The following RPL36 variants were observed in gnomAD, a reference collection of about 807,000 sequenced individuals.
The protein encoded by RPL36 is ribosomal protein L36.
For missense variants in RPL36, 131 were observed against 144.9 expected (o/e 0.90, Z 0.49); for synonymous variants, 74 against 56.0 (o/e 1.32, Z -1.44).
At chr19:5,691,177 G>A (rs1391998384) in intron 2 of RPL36, 142 bp from the exon 3 acceptor site, 4 of 1,251,326 alleles carry the variant, frequency 3.2e-6, no homozygotes, top group East Asian at 4.7e-5. Context: ...GCGGCGAAAA[G>A]CGCTAGGCGT....
chr19:5,690,624 G>T (rs1421294266), intron 2 of RPL36, 24 bp downstream of exon 2: 8 of 1,535,344 alleles, frequency 5.2e-6, no homozygotes, highest in Non-Finnish European at 7.1e-6. Flanking sequence ...CCGCGCGGAG[G>T]TTGTCGGGGG....
At position 5,690,315 on chromosome 19, in the gene RPL36, T is replaced by G. The variant is rs1407103118; in HGVS notation, c.-15T>G. On this transcript the variant is annotated 5_prime_UTR_variant, in exon 1 of 4. Transcript: ENST00000347512. ...CCAGCCCTTCCGCCACGGCCGTCTC[T>G]GGAGAGCAGCAGGTAAGTGGTTTCC... is the stretch of plus-strand genomic sequence containing the variant. 1 of 638,768 alleles carries G rather than the reference T, an allele frequency of 1.6e-6. No individual in the cohort carries two copies. The highest frequency in any genetic ancestry group is 1.8e-5 in the African/African-American group (1 of 55,632). The allele number at this position is 638,768 out of a possible 1,614,324, so 39.6% of individuals were successfully genotyped here.
In RPL36 at chr19:5,691,557, G is replaced by A; in HGVS notation, c.254G>A (p.Arg85Lys). 1.2e-6 allele frequency: 2 copies of A among 1,611,788 alleles called. No individual in the cohort carries two copies. Among genetic ancestry groups the A allele is most frequent in the Non-Finnish European group, 1.7e-6 (2 of 1,179,904 alleles). The change falls in exon 4 of 4, where the codon AGG (arginine) becomes AAG (lysine). Residue 85 changes from arginine to lysine, a missense_variant. Physicochemically the swap from Arg to Lys is conservative, Grantham distance 26 (BLOSUM62 2). Transcript: ENST00000347512. ...KRVGTHIRAKRKREELSNVLA... is the reference protein window; with the variant it reads ...KRVGTHIRAKKKREELSNVLA... The stretch of plus-strand genomic sequence containing the variant: ...GTGGGGACGCACATCCGCGCCAAGA[G>A]GAAGCGGGAGGAGCTGAGCAACGTA...
In RPL36 at chr19:5,690,556, G is replaced by A; in HGVS notation, c.49G>A (p.Val17Met). Residue 17 changes from valine to methionine, a missense_variant, in exon 2 of 4, where the codon GTG (valine) becomes ATG (methionine). Physicochemically the swap from Val to Met is conservative, Grantham distance 21 (BLOSUM62 1). Coordinates refer to ENST00000347512, the MANE Select transcript of RPL36 (RefSeq NM_033643.3). Reference protein sequence around the residue: ...MAVGLNKGHKVTKNVSKPRHS... With the variant: ...MAVGLNKGHKMTKNVSKPRHS... ...CGTGGGCCTCAACAAGGGCCACAAA[G>A]TGACCAAGAACGTGAGCAAGCCCAG... 1 of 1,572,198 alleles carries A rather than the reference G, an allele frequency of 6.4e-7. No individual in the cohort carries two copies. Among genetic ancestry groups the A allele is most frequent in the Non-Finnish European group, 8.6e-7 (1 of 1,159,528 alleles).
chr19:5,690,382 C>T (rs1190835647), intron 1 of RPL36, 55 bp downstream of exon 1: 11 of 763,190 alleles, frequency 1.4e-5, no homozygotes, highest in Non-Finnish European at 2.3e-5. Flanking sequence ...CCCGGGTCCT[C>T]TGTGCAGGTT....
In RPL36 at chr19:5,691,540, G is replaced by A. The variant is rs933394848; in HGVS notation, c.237G>A (p.Thr79=). The change falls in exon 4 of 4, where the codon ACG becomes ACA. Residue 79 remains threonine (T), a synonymous_variant. Coordinates refer to ENST00000347512, the MANE Select transcript of RPL36 (RefSeq NM_033643.3). The part of the protein sequence containing the change: ...ALKFIKKRVG[T]HIRAKRKREE... Reference sequence around the variant, plus strand: ...GGCCTCGTCCCTGGCAGGTGGGGACGCACATCCGCGCCAAGAGGAAGCGGG... The same window carrying A: ...GGCCTCGTCCCTGGCAGGTGGGGACACACATCCGCGCCAAGAGGAAGCGGG... 1 of 1,611,934 alleles carries A rather than the reference G, an allele frequency of 6.2e-7. No homozygotes were observed. Among genetic ancestry groups the A allele is most frequent in the Non-Finnish European group, 8.5e-7 (1 of 1,179,880 alleles).
At chr19:5,691,262 T>G in intron 2 of RPL36, 57 bp from the exon 3 acceptor site, 2 of 1,610,168 alleles carry the variant, frequency 1.2e-6, no homozygotes, top group Non-Finnish European at 8.5e-7. Context: ...CGAGAGAAGC[T>G]GCTTAACTAG....
In RPL36 at chr19:5,691,306, C is replaced by T. The variant is rs1568307041; in HGVS notation, c.94-13C>T. 1.2e-6 allele frequency: 2 copies of T among 1,612,394 alleles called. No individual in the cohort carries two copies. The highest frequency in any genetic ancestry group is 1.7e-6 in the Non-Finnish European group (2 of 1,180,030). The stretch of plus-strand genomic sequence containing the variant: ...GATCCCCCTACCCTGACGGCCGCCC[C>T]TTTCCCCCCTAGCGTCTGACCAAAC... On this transcript the variant is annotated splice_polypyrimidine_tract_variant and intron_variant, in intron 2 of 3. Coordinates refer to ENST00000347512, the MANE Select transcript of RPL36 (RefSeq NM_033643.3).
At position 5,690,501 on chromosome 19, in the gene RPL36, C is replaced by T. The variant is rs1175111323; in HGVS notation, c.-2-5C>T. 1.3e-6 allele frequency: 2 copies of T among 1,543,088 alleles called. No homozygotes were observed. The highest frequency in any genetic ancestry group is 1.8e-6 in the Non-Finnish European group (2 of 1,138,912). On this transcript the variant is annotated splice_polypyrimidine_tract_variant and splice_region_variant and intron_variant, in intron 1 of 3. Coordinates refer to ENST00000347512, the MANE Select transcript of RPL36 (RefSeq NM_033643.3). ...TCCGCCCCTTCTCCCCGTCGCTGTC[C>T]GCAGCCATGGCCCTACGCTACCCTA...
At position 5,690,492 on chromosome 19, in the gene RPL36, G is replaced by A; in HGVS notation, c.-2-14G>A. 5 of 1,537,302 alleles carry A rather than the reference G, an allele frequency of 3.3e-6. No individual in the cohort carries two copies. Among genetic ancestry groups the A allele is most frequent in the Non-Finnish European group, 4.4e-6 (5 of 1,134,688 alleles). ...GTACTCACCTCCGCCCCTTCTCCCC[G>A]TCGCTGTCCGCAGCCATGGCCCTAC... On this transcript the variant is annotated splice_polypyrimidine_tract_variant and intron_variant, in intron 1 of 3. Transcript: ENST00000347512.
At chr19:5,691,229 T>C (rs1344077796) in intron 2 of RPL36, 90 bp from the exon 3 acceptor site, 1 of 1,586,800 alleles carries the variant, frequency 6.3e-7, no homozygotes, top group African/African-American at 1.3e-5. Context: ...GGGGAGGAAG[T>C]AGCCAGGGAA....
intron 2 of RPL36, 138 bp from the exon 3 acceptor site, chr19:5,691,181 T>TA: frequency 6.2e-6 from 8 of 1,287,270 alleles, no homozygotes; most frequent in Non-Finnish European, 7.8e-6. Context: ...CGAAAAGCGC[T>TA]AGGCGTTAAT....
intron 1 of RPL36, 26 bp from the exon 2 acceptor site, chr19:5,690,480 C>T (rs1241213806): frequency 4.6e-6 from 7 of 1,523,998 alleles, no homozygotes; most frequent in South Asian, 2.4e-5. Context: ...CTCACCTCCG[C>T]CCCTTCTCCC....
At chr19:5,690,797 A>G in intron 2 of RPL36, 197 bp downstream of exon 2, 1 of 622,480 alleles carries the variant, frequency 1.6e-6, no homozygotes, top group Non-Finnish European at 2.9e-6. Flanking sequence ...GTTTTTCCCA[A>G]CCGTGCAATC....
At chr19:5,691,133 C>G in intron 2 of RPL36, 186 bp from the exon 3 acceptor site, 1 of 778,410 alleles carries the variant, frequency 1.3e-6, no homozygotes, top group Non-Finnish European at 2.1e-6. Flanking sequence ...GTTGCGGAGA[C>G]TGGGACTTAG....
At position 5,691,315 on chromosome 19, in the gene RPL36, CT is replaced by C. The variant is rs1568307059; in HGVS notation, c.94-3del. ...ACCCTGACGGCCGCCCCTTTCCCCC[CT>C]AGCGTCTGACCAAACACACCAAGTT... On this transcript the variant is annotated splice_polypyrimidine_tract_variant and splice_region_variant and intron_variant, in intron 2 of 3. Transcript: ENST00000347512. 3 of 1,612,500 alleles carry C rather than the reference CT, an allele frequency of 1.9e-6. No individual in the cohort carries two copies. Among genetic ancestry groups the C allele is most frequent in the Non-Finnish European group, 2.5e-6 (3 of 1,180,030 alleles).
Position 5,691,858 on chromosome 19 carries a change from A to C in RPL36, c.*237A>C, listed in dbSNP as rs1257241656. ...GTACTGCAAATGACTTTAATCATTA[A>C]ATAGCTTCTATGCCACACTCTGATT... is the stretch of plus-strand genomic sequence containing the variant. On this transcript the variant is annotated 3_prime_UTR_variant, in exon 4 of 4. Coordinates refer to ENST00000347512, the MANE Select transcript of RPL36 (RefSeq NM_033643.3). 2 of 821,732 alleles carry C rather than the reference A, an allele frequency of 2.4e-6. No individual in the cohort carries two copies. The highest frequency in any genetic ancestry group is 3.8e-6 in the Non-Finnish European group (2 of 531,754). The allele number at this position is 821,732 out of a possible 1,614,324, so 50.9% of individuals were successfully genotyped here. A position where few individuals can be genotyped will look rare whatever the true frequency, so the allele number is the denominator to read the frequency against.
chr19:5,691,468 C>G lies in RPL36; in HGVS notation c.228+15C>G. 1 of 1,609,114 alleles carries G rather than the reference C, an allele frequency of 6.2e-7. No individual in the cohort carries two copies. The highest frequency in any genetic ancestry group is 8.5e-7 in the Non-Finnish European group (1 of 1,175,978). ...TCAAGAAAAGGGTAGGTGGGCGCTG[C>G]CGGCCGAGGGGCGGGGTGGGATGGG... is the stretch of plus-strand genomic sequence containing the variant. On this transcript the variant is annotated intron_variant, in intron 3 of 3. Transcript: ENST00000347512.
intron 2 of RPL36, 46 bp downstream of exon 2, chr19:5,690,646 G>A (rs1395277464): frequency 2.7e-6 from 4 of 1,457,974 alleles, no homozygotes; most frequent in South Asian, 2.4e-5. Context: ...TTCTTGGAGG[G>A]CGGAGGGCAT....
Sources: allele counts gnomAD v4.1 joint callset, GRCh38; gene constraint gnomAD v4.1.1; transcripts MANE v1.5; gene names NCBI Gene and HGNC (gene_info 2026-07-23, HGNC 2026-07-21).